Variants in AGTPBP1 observed in about 807,000 individuals in gnomAD.
AGTPBP1 encodes cytosolic carboxypeptidase 1.
Under a neutral mutation model 143.9 loss-of-function variants are expected in AGTPBP1, and 70 were observed. That is an observed-to-expected ratio of 0.49 (90% confidence interval 0.40 to 0.59). The LOEUF (loss-of-function observed/expected upper bound fraction) is 0.59. Among genes scored for constraint, AGTPBP1 ranks in the 20% least tolerant of loss-of-function variants. The probability of loss-of-function intolerance (pLI) is 0.00; values close to 1 mark genes in which losing one functional copy is unlikely to be tolerated. For synonymous variants in AGTPBP1, 463 were observed against 500.2 expected (o/e 0.93, Z 0.99); for missense variants, 1,229 against 1,464.5 (o/e 0.84, Z 2.62).
chr9:85,632,910 T>G lies in AGTPBP1; in HGVS notation c.1767A>C (p.Leu589=). ...CAACTCCAGTGCAGCAAAGCTTCCC[T>G]AGCTGAACTGTTCTTCCCTCAAACA... ...NVLFEGRTVQ[L]GKLCCTGVET... The change falls in exon 14 of 26, where the codon CTA becomes CTC. Residue 589 remains leucine (L), a synonymous_variant. Transcript: ENST00000357081. 6.2e-7 allele frequency: 1 copy of G among 1,614,164 alleles called. No individual in the cohort carries two copies. The highest frequency in any genetic ancestry group is 1.1e-5 in the South Asian group (1 of 91,090).
At position 85,575,443 on chromosome 9, in the gene AGTPBP1, C is replaced by T. The variant is rs140566700; in HGVS notation, c.3375G>A (p.Glu1125=). The T allele has an allele frequency of 2.5e-6, 4 of 1,607,606 alleles. No homozygotes were observed. The highest frequency in any genetic ancestry group is 3.4e-5 in the Admixed American group (2 of 58,208). The part of the protein sequence containing the change: ...GLQIGTRELE[E]MGAKFCVGLL... The stretch of plus-strand genomic sequence containing the variant: ...GACCAACACAAAATTTTGCTCCCAT[C>T]TCTTCCAGTTCTCGGGTACCAATCT... The change falls in exon 25 of 26, where the codon GAG becomes GAA. Residue 1125 remains glutamate (E), a synonymous_variant. Coordinates refer to ENST00000357081, the MANE Select transcript of AGTPBP1 (RefSeq NM_001330701.2).
chr9:85,743,937 T>G (rs1295933295), upstream of AGTPBP1, among the ~76,000 whole-genome samples: 3 of 151,126 alleles, frequency 2.0e-5, no homozygotes, highest in Admixed American at 2.0e-4. Flanking sequence ...TTTTTTTTTT[T>G]TTTTTGAGAC....
the AGTPBP1 span, among the ~76,000 whole-genome samples, chr9:85,781,029 A>G: frequency 6.6e-3 from 1,004 of 152,304 alleles, 16 homozygotes; most frequent in African/African-American, 0.023. Context: ...AGGCAGGAGA[A>G]TGGTGTGAAC....
At chr9:85,606,877 TAATA>T (rs1830021474) in intron 17 of AGTPBP1, among the ~76,000 whole-genome samples, 2 of 152,014 alleles carry the variant, frequency 1.3e-5, no homozygotes, top group South Asian at 4.1e-4. Flanking sequence ...GAAATTAAAA[TAATA>T]GATACAAAAG....
intron 2 of AGTPBP1, among the ~76,000 whole-genome samples, chr9:85,697,114 C>G (rs940773317): frequency 6.6e-6 from 1 of 152,168 alleles, no homozygotes; most frequent in South Asian, 2.1e-4. Context: ...GTACTCCTTC[C>G]TTTACTATAT....
rs957549088 is a variant in AGTPBP1 at position 85,575,900 on chromosome 9, A to T, written c.3343-425T>A. On this transcript the variant is annotated intron_variant, in intron 24 of 25. Transcript: ENST00000357081. ...TCAAGGCTCCAATATGTACATTTGA[A>T]CATTACTTTATAGATACTTCTACTG... Among the ~76,000 whole-genome samples, 22 of 152,190 alleles carry T rather than the reference A, an allele frequency of 1.4e-4. 1 individual carries two copies. Among genetic ancestry groups the T allele is most frequent in the Admixed American group, 1.2e-3 (19 of 15,276 alleles).
Position 85,547,787 on chromosome 9 carries a change from C to T in AGTPBP1, c.3504-501G>A, listed in dbSNP as rs1427512833. Among the ~76,000 whole-genome samples the T allele has an allele frequency of 3.9e-5, 6 of 152,098 alleles. No individual in the cohort carries two copies. The South Asian group carries it at 6.2e-4, about 16-fold the overall frequency. On this transcript the variant is annotated intron_variant, in intron 25 of 25. Coordinates refer to ENST00000357081, the MANE Select transcript of AGTPBP1 (RefSeq NM_001330701.2). ...CCCATATACCCACCCCACCAGTTTCCGTAGGTCAAGAATAAAACTGAAAAA... is the reference window on the plus strand; with the variant it reads ...CCCATATACCCACCCCACCAGTTTCTGTAGGTCAAGAATAAAACTGAAAAA...
At chr9:85,707,507 AC>A (rs1408303787) in intron 2 of AGTPBP1, among the ~76,000 whole-genome samples, 1 of 152,220 alleles carries the variant, frequency 6.6e-6, no homozygotes, top group African/African-American at 2.4e-5. Flanking sequence ...AGAAAAAAAA[AC>A]AAAACACTAA....
At chr9:85,728,529 C>G (rs1164282520) in intron 1 of AGTPBP1, among the ~76,000 whole-genome samples, 1 of 152,104 alleles carries the variant, frequency 6.6e-6, no homozygotes, top group African/African-American at 2.4e-5. Context: ...TAAGTTTTTT[C>G]TTACTTAACA....
intron 2 of AGTPBP1, among the ~76,000 whole-genome samples, chr9:85,703,067 T>C (rs1836772626): frequency 6.6e-6 from 1 of 152,216 alleles, no homozygotes; most frequent in Non-Finnish European, 1.5e-5. Flanking sequence ...GGTCCCTATG[T>C]GTACTTATCT....
At chr9:85,665,272 C>T (rs1431395869) in intron 8 of AGTPBP1, among the ~76,000 whole-genome samples, 6 of 152,032 alleles carry the variant, frequency 3.9e-5, no homozygotes, top group Non-Finnish European at 8.8e-5. Flanking sequence ...GGGGAGAGTG[C>T]CATGTGATGA....
intron 2 of AGTPBP1, among the ~76,000 whole-genome samples, chr9:85,700,996 C>T (rs527860184): frequency 2.7e-3 from 409 of 152,206 alleles, no homozygotes; most frequent in Non-Finnish European, 3.8e-3. Context: ...CGGCTCACTG[C>T]AACCTCCACC....
At chr9:85,781,485 T>C in the AGTPBP1 span, 15 of 1,141,364 alleles carry the variant, frequency 1.3e-5, no homozygotes, top group Middle Eastern at 6.3e-4. Context: ...GATACTTCTA[T>C]TTGTCTCTGT....
At chr9:85,738,398 A>G (rs1276779380) in intron 1 of AGTPBP1, among the ~76,000 whole-genome samples, 3 of 152,346 alleles carry the variant, frequency 2.0e-5, no homozygotes, top group Admixed American at 2.0e-4. Flanking sequence ...CTGATTTCAC[A>G]CTATATAATA....
chr9:85,741,790 C>G lies in AGTPBP1; in HGVS notation c.-49G>C. ...GGGCGCTCACCGGCTCAGGATGGGGCGCTGGCGGGGACCGCGCAGAGCCGC... is the reference window on the plus strand; with the variant it reads ...GGGCGCTCACCGGCTCAGGATGGGGGGCTGGCGGGGACCGCGCAGAGCCGC... On this transcript the variant is annotated 5_prime_UTR_variant, in exon 1 of 26. Coordinates refer to ENST00000357081, the MANE Select transcript of AGTPBP1 (RefSeq NM_001330701.2). 1 of 1,352,874 alleles carries G rather than the reference C, an allele frequency of 7.4e-7. No individual in the cohort carries two copies. The highest frequency in any genetic ancestry group is 9.5e-7 in the Non-Finnish European group (1 of 1,054,484). The allele number at this position is 1,352,874 out of a possible 1,614,324, so 83.8% of individuals were successfully genotyped here.
the AGTPBP1 span, chr9:85,774,139 T>C: frequency 1.2e-6 from 1 of 814,820 alleles, no homozygotes; most frequent in Non-Finnish European, 2.0e-6. Flanking sequence ...CATGTTTAAA[T>C]AGTTGCTACT....
intron 2 of AGTPBP1, among the ~76,000 whole-genome samples, chr9:85,696,004 G>T (rs1204329214): frequency 6.6e-6 from 1 of 152,016 alleles, no homozygotes; most frequent in African/African-American, 2.4e-5. Flanking sequence ...ATTACACCCA[G>T]CTAATTTTTA....
intron 25 of AGTPBP1, among the ~76,000 whole-genome samples, chr9:85,555,363 G>C (rs1243825431): frequency 6.6e-6 from 1 of 152,222 alleles, no homozygotes; most frequent in Non-Finnish European, 1.5e-5. Flanking sequence ...ACTTTGGGAG[G>C]CCGAGGCGGG....
intron 17 of AGTPBP1, among the ~76,000 whole-genome samples, chr9:85,609,014 G>A (rs1048617591): frequency 3.3e-5 from 5 of 152,096 alleles, no homozygotes; most frequent in Non-Finnish European, 7.3e-5. Flanking sequence ...TATCTCTGTT[G>A]GAGAAGAAAG....
Sources: allele counts gnomAD v4.1 joint callset (sites outside exome capture counted in the v4.1 genomes callset), GRCh38; gene constraint gnomAD v4.1.1; transcripts MANE v1.5; gene names NCBI Gene and HGNC (gene_info 2026-07-23, HGNC 2026-07-21).